The following RALGAPA2 variants were observed in gnomAD, a reference collection of about 807,000 sequenced individuals.
RALGAPA2 encodes Ral GTPase activating protein catalytic subunit alpha 2.
A neutral mutation model predicts 230.4 loss-of-function variants in RALGAPA2; 139 were observed. The ratio of observed to expected loss-of-function variants is 0.60; its 90% CI spans 0.53 to 0.69. The LOEUF is 0.69. Among genes scored for constraint, RALGAPA2 ranks in the 30% least tolerant of loss-of-function variants. The probability of loss-of-function intolerance (pLI) is 0.00; values close to 1 mark genes in which losing one functional copy is unlikely to be tolerated. For missense variants in RALGAPA2, 2,163 were observed against 2,276.0 expected (o/e 0.95, Z 1.01); for synonymous variants, 847 against 837.8 (o/e 1.01, Z -0.19).
At chr20:20,411,914 G>T in intron 38 of RALGAPA2, 113 bp downstream of exon 38, 8 of 1,374,890 alleles carry the variant, frequency 5.8e-6, no homozygotes, top group Non-Finnish European at 7.1e-6. Flanking sequence ...AGTTGATTCA[G>T]AGGGAGAATG....
chr20:20,686,225 A>C (rs558560763), intron 1 of RALGAPA2, among the ~76,000 whole-genome samples: 5 of 152,146 alleles, frequency 3.3e-5, no homozygotes, highest in Admixed American at 3.3e-4. Context: ...TTATTTAAAC[A>C]CTCCAATCCT....
In RALGAPA2 at chr20:20,645,954, AT is replaced by A. The variant is rs1292066878; in HGVS notation, c.329-2406del. Among the ~76,000 whole-genome samples, 2 of 150,228 alleles carry A rather than the reference AT, an allele frequency of 1.3e-5. 1 individual carries two copies. The highest frequency in any genetic ancestry group is 4.9e-5 in the African/African-American group (2 of 40,704). ...TTCTCTAAGGAACTCTTTTTTAATA[AT>A]AAAAAAAAAAAAAATTAGCAAGAAA... On this transcript the variant is annotated intron_variant, in intron 4 of 39. Transcript: ENST00000202677.
At chr20:20,554,180 C>T (rs1328023584) in intron 23 of RALGAPA2, among the ~76,000 whole-genome samples, 1 of 152,140 alleles carries the variant, frequency 6.6e-6, no homozygotes, top group Non-Finnish European at 1.5e-5. Context: ...CAGTAACTGG[C>T]AACTACTAGT....
Position 20,680,812 on chromosome 20 carries a change from A to G in RALGAPA2, c.107-11T>C, listed in dbSNP as rs376546274. On this transcript the variant is annotated splice_polypyrimidine_tract_variant and intron_variant, in intron 1 of 39. Transcript: ENST00000202677. Reference sequence around the variant, plus strand: ...TTGCATCCACATTATCTGAAAAGAAAAAGTTTCCATTTATGACAATTCACT... The same window carrying G: ...TTGCATCCACATTATCTGAAAAGAAGAAGTTTCCATTTATGACAATTCACT... 6.0e-5 allele frequency: 94 copies of G among 1,555,550 alleles called. No individual in the cohort carries two copies. The highest frequency in any genetic ancestry group is 3.8e-5 in the Non-Finnish European group (44 of 1,158,348).
chr20:20,427,383 C>T (rs372640106), intron 37 of RALGAPA2, among the ~76,000 whole-genome samples: 1 of 152,032 alleles, frequency 6.6e-6, no homozygotes, highest in African/African-American at 2.4e-5. Context: ...CACTAAATCC[C>T]ATCTGTGTGC....
chr20:20,611,205 T>C, intron 14 of RALGAPA2, 110 bp downstream of exon 14: 1 of 1,352,038 alleles, frequency 7.4e-7, no homozygotes, highest in Non-Finnish European at 9.6e-7. Context: ...GAAAAATTTC[T>C]AGAAATTTAA....
intron 37 of RALGAPA2, among the ~76,000 whole-genome samples, chr20:20,427,196 C>T (rs1398536580): frequency 6.6e-6 from 1 of 152,158 alleles, no homozygotes; most frequent in Non-Finnish European, 1.5e-5. Flanking sequence ...AAATTGTAGC[C>T]CTTCTTCCAC....
chr20:20,438,665 C>T (rs991605758), intron 37 of RALGAPA2, among the ~76,000 whole-genome samples: 14 of 152,174 alleles, frequency 9.2e-5, no homozygotes, highest in African/African-American at 2.9e-4. Context: ...ATCTGGGTTT[C>T]TAGCTCCAGA....
chr20:20,552,375 T>A (rs771084977), intron 23 of RALGAPA2, among the ~76,000 whole-genome samples: 4 of 152,030 alleles, frequency 2.6e-5, no homozygotes, highest in African/African-American at 4.8e-5. Context: ...AATCTGCATA[T>A]GAAAAATCAC....
intron 9 of RALGAPA2, among the ~76,000 whole-genome samples, chr20:20,630,984 T>C (rs2066654881): frequency 6.6e-6 from 1 of 152,184 alleles, no homozygotes; most frequent in African/African-American, 2.4e-5. Context: ...TTAACACTCC[T>C]TCCACAGAGA....
chr20:20,590,164 C>G (rs577638783), intron 17 of RALGAPA2, among the ~76,000 whole-genome samples: 1 of 152,112 alleles, frequency 6.6e-6, no homozygotes, highest in African/African-American at 2.4e-5. Context: ...ATACAATACA[C>G]TGTTACAAAT....
intron 4 of RALGAPA2, among the ~76,000 whole-genome samples, chr20:20,644,382 A>T (rs909816380): frequency 3.3e-5 from 5 of 152,210 alleles, no homozygotes; most frequent in African/African-American, 1.2e-4. Context: ...AATAATATTT[A>T]CTCCACCAAT....
chr20:20,460,597 A>T (rs1268927309), intron 37 of RALGAPA2, among the ~76,000 whole-genome samples: 1 of 152,248 alleles, frequency 6.6e-6, no homozygotes, highest in African/African-American at 2.4e-5. Context: ...ACACGGCCCA[A>T]CATGAGACGT....
intron 3 of RALGAPA2, among the ~76,000 whole-genome samples, chr20:20,675,078 T>C (rs189016276): frequency 6.6e-5 from 10 of 152,336 alleles, no homozygotes; most frequent in African/African-American, 2.4e-4. Flanking sequence ...AGTAGATACA[T>C]ATTTAAGTAA....
chr20:20,400,803 T>G (rs954915197), intron 38 of RALGAPA2, among the ~76,000 whole-genome samples: 3 of 152,222 alleles, frequency 2.0e-5, no homozygotes, highest in Non-Finnish European at 4.4e-5. Flanking sequence ...AACTGGTGAA[T>G]GGACCAATAA....
intron 6 of RALGAPA2, among the ~76,000 whole-genome samples, 192 bp from the exon 7 acceptor site, chr20:20,640,092 T>C (rs980817256): frequency 5.3e-5 from 8 of 152,190 alleles, no homozygotes; most frequent in Admixed American, 4.6e-4. Flanking sequence ...AAGCGCCTTC[T>C]CCTGCTGCAC....
intron 37 of RALGAPA2, among the ~76,000 whole-genome samples, chr20:20,443,975 G>T (rs2060802863): frequency 6.6e-6 from 1 of 152,200 alleles, no homozygotes; most frequent in Non-Finnish European, 1.5e-5. Flanking sequence ...CCCATTCCTG[G>T]CTGCGCATGA....
chr20:20,634,477 C>A (rs546191418), intron 9 of RALGAPA2, among the ~76,000 whole-genome samples: 1 of 152,168 alleles, frequency 6.6e-6, no homozygotes, highest in Non-Finnish European at 1.5e-5. Context: ...AAAATAAGTT[C>A]TCCTCTAACT....
intron 38 of RALGAPA2, among the ~76,000 whole-genome samples, chr20:20,397,488 T>C (rs1369334068): frequency 6.6e-6 from 1 of 151,522 alleles, no homozygotes; most frequent in African/African-American, 2.4e-5. Context: ...CCTTGGCAAA[T>C]GCATCCTCTT....
Sources: allele counts gnomAD v4.1 joint callset (sites outside exome capture counted in the v4.1 genomes callset), GRCh38; gene constraint gnomAD v4.1.1; transcripts MANE v1.5; gene names NCBI Gene and HGNC (gene_info 2026-07-23, HGNC 2026-07-21).